Variants in C6orf132 observed in about 807,000 individuals in gnomAD.
C6orf132 encodes chromosome 6 open reading frame 132, also known as uncharacterized protein C6orf132.
Under a neutral mutation model 65.3 loss-of-function variants are expected in C6orf132, and 43 were observed. The ratio of observed to expected loss-of-function variants is 0.66; its 90% CI spans 0.52 to 0.85. The LOEUF is 0.85. Among genes scored for constraint, C6orf132 ranks in the 40% least tolerant of loss-of-function variants. The pLI is 0.00. For synonymous variants in C6orf132, 631 were observed against 654.1 expected, an observed-to-expected ratio of 0.96 and a Z score of 0.54; for missense variants, 1,488 against 1,548.8, an observed-to-expected ratio of 0.96 and a Z score of 0.66.
rs1391649371 is a variant in C6orf132 at position 42,104,522 on chromosome 6, CGCGGCGCCCCGG to C, written c.3378_3389del (p.Arg1127_Ala1130del). ...TGCCGGGCGCTTTGTGCTTGGCCTC[CGCGGCGCCCCGG>C]GCGGCGCCCTCCAGGGACAGCCTCG... is the stretch of plus-strand genomic sequence containing the variant. On this transcript the variant is annotated inframe_deletion, in exon 4 of 5. Coordinates refer to ENST00000341865, the MANE Select transcript of C6orf132 (RefSeq NM_001164446.3). The surrounding 1 kb of genome is among the most constrained non-coding windows in gnomAD (Gnocchi z 4.1). 35 of 1,235,070 alleles carry C rather than the reference CGCGGCGCCCCGG, an allele frequency of 2.8e-5. No homozygotes were observed. Among genetic ancestry groups the C allele is most frequent in the African/African-American group, 1.2e-4 (8 of 64,296 alleles). The allele number at this position is 1,235,070 out of a possible 1,614,324, so 76.5% of individuals were successfully genotyped here.
At chr6:42,132,291 G>T (rs573627662) in intron 1 of C6orf132, among the ~76,000 whole-genome samples, 1 of 151,958 alleles carries the variant, frequency 6.6e-6, no homozygotes, top group Middle Eastern at 3.4e-3. Context: ...CGAGGCGGGC[G>T]GATCACAAGG....
rs546008317 is a variant in C6orf132 at position 42,123,382 on chromosome 6, C to CA, written c.252+5289dup. On this transcript the variant is annotated intron_variant, in intron 2 of 4. Transcript: ENST00000341865. ...TGGGTGACAGAGACAGACTCCATCT[C>CA]AAAAAAAAAAACAAAACAACGAAGA... Among the ~76,000 whole-genome samples, 344 of 101,590 alleles carry CA rather than the reference C, an allele frequency of 3.4e-3. 1 individual carries two copies. The highest frequency in any genetic ancestry group is 6.6e-3 in the African/African-American group (181 of 27,336). The allele number at this position is 101,590 out of a possible 152,430, so 66.6% of individuals were successfully genotyped here.
chr6:42,103,428 C>T lies in C6orf132; in HGVS notation c.*333G>A. 2.5e-6 allele frequency: 1 copy of T among 393,948 alleles called. No individual in the cohort carries two copies. Among genetic ancestry groups the T allele is most frequent in the Non-Finnish European group, 4.5e-6 (1 of 223,778 alleles). The allele number at this position is 393,948 out of a possible 1,614,324, so 24.4% of individuals were successfully genotyped here. On this transcript the variant is annotated 3_prime_UTR_variant, in exon 5 of 5. Transcript: ENST00000341865. ...TGCTCAGTAGGCCGTGCTTGTAAAA[C>T]TGTTTTAAATAACTCTTGCTAAAGC...
rs1323202887 is a variant in C6orf132 at position 42,107,376 on chromosome 6, T to C, written c.536A>G (p.Glu179Gly). The C allele has an allele frequency of 4.5e-6, 2 of 441,158 alleles. No homozygotes were observed. Among genetic ancestry groups the C allele is most frequent in the Non-Finnish European group, 7.5e-6 (2 of 266,746 alleles). 27.3% of individuals were successfully genotyped at this position (441,158 alleles called of 1,614,324 possible). ...GGCCATGCTGGGCGGGGGTGGGGGT[T>C]CCAGCAGCAGGGGAGGTGGTGGGGG... Reference protein sequence around the residue: ...TAPPPPPLLLEPPPPPSMAPP... With the variant: ...TAPPPPPLLLGPPPPPSMAPP... The change falls in exon 4 of 5, where the codon GAA becomes GGA. Residue 179 changes from glutamate (E) to glycine (G), a missense_variant. By Grantham distance (98) the Glu-to-Gly change is moderately conservative (BLOSUM62 -2). Transcript: ENST00000341865.
At chr6:42,121,446 G>C (rs1332807121) in intron 2 of C6orf132, among the ~76,000 whole-genome samples, 2 of 152,194 alleles carry the variant, frequency 1.3e-5, no homozygotes, top group African/African-American at 4.8e-5. Context: ...GCAGTTTTGT[G>C]GGGGCTGGGG....
At chr6:42,116,002 T>G (rs929922162) in intron 2 of C6orf132, among the ~76,000 whole-genome samples, 3 of 147,470 alleles carry the variant, frequency 2.0e-5, no homozygotes, top group African/African-American at 7.6e-5. Flanking sequence ...AGATCTCGGC[T>G]CACTGCAACC....
At position 42,104,683 on chromosome 6, in the gene C6orf132, G is replaced by A. The variant is rs1041995526; in HGVS notation, c.3229C>T (p.Leu1077=). 2 of 1,515,692 alleles carry A rather than the reference G, an allele frequency of 1.3e-6. No homozygotes were observed. Among genetic ancestry groups the A allele is most frequent in the Admixed American group, 2.1e-5 (1 of 47,284 alleles). 93.9% of individuals were successfully genotyped at this position (1,515,692 alleles called of 1,614,324 possible). The change falls in exon 4 of 5, where the codon CTA becomes TTA. Residue 1077 remains leucine (L), a synonymous_variant. Coordinates refer to ENST00000341865, the MANE Select transcript of C6orf132 (RefSeq NM_001164446.3). This position sits in a 1 kb window ranked among gnomAD's most constrained non-coding sequence, Gnocchi z 4.1. ...YVGEPHRGPG[L]PHGGTGRSLS... Reference sequence around the variant, plus strand: ...CTGCGGCCGGTGCCACCGTGGGGTAGCCCTGGGCCTCGGTGCGGCTCCCCG... The same window carrying A: ...CTGCGGCCGGTGCCACCGTGGGGTAACCCTGGGCCTCGGTGCGGCTCCCCG...
intron 1 of C6orf132, among the ~76,000 whole-genome samples, chr6:42,138,100 T>C (rs1766976967): frequency 6.6e-6 from 1 of 152,202 alleles, no homozygotes; most frequent in Non-Finnish European, 1.5e-5. Context: ...AGATTCTGAC[T>C]TCCTGTGCCT....
chr6:42,104,384 C>T lies in C6orf132; in HGVS notation c.3449+79G>A, dbSNP rs1226926181. On this transcript the variant is annotated intron_variant, in intron 4 of 4. Transcript: ENST00000341865. The surrounding 1 kb of genome is among the most constrained non-coding windows in gnomAD (Gnocchi z 4.1). ...GAGAAAACCAAATGTTTTCTCTTGA[C>T]GGATGGCCGGGACTCCTTGGCCCTC... is the stretch of plus-strand genomic sequence containing the variant. 5 of 1,225,888 alleles carry T rather than the reference C, an allele frequency of 4.1e-6. No homozygotes were observed. Among genetic ancestry groups the T allele is most frequent in the Non-Finnish European group, 2.0e-6 (2 of 984,548 alleles). 75.9% of individuals were successfully genotyped at this position (1,225,888 alleles called of 1,614,324 possible).
intron 2 of C6orf132, among the ~76,000 whole-genome samples, chr6:42,117,832 G>C (rs1423050601): frequency 2.6e-5 from 3 of 115,532 alleles, no homozygotes; most frequent in Admixed American, 1.8e-4. Context: ...GCTGAGGCAG[G>C]AGAATCACTT....
intron 3 of C6orf132, among the ~76,000 whole-genome samples, chr6:42,109,414 G>A (rs1400920695): frequency 6.6e-6 from 1 of 151,018 alleles, no homozygotes; most frequent in African/African-American, 2.5e-5. Flanking sequence ...CCTGGCAACA[G>A]AGCGAGACTC....
intron 2 of C6orf132, among the ~76,000 whole-genome samples, chr6:42,121,230 A>C (rs1766678267): frequency 6.6e-6 from 1 of 152,200 alleles, no homozygotes; most frequent in South Asian, 2.1e-4. Flanking sequence ...GACTTGGGCC[A>C]CTGCTCCGGG....
Position 42,107,284 on chromosome 6 carries a change from TG to T in C6orf132, c.627del (p.Thr210ProfsTer15). The stretch of plus-strand genomic sequence containing the variant: ...GCAGGGGGAATGAAGTCAGGAGGGG[TG>T]GGTATGGATGGGGAGGAAAGAGTGT... ...PPHTLSSPSI[P>X]TPPDFIPPAP... On this transcript the variant is annotated frameshift_variant, in exon 4 of 5. Coordinates refer to ENST00000341865, the MANE Select transcript of C6orf132 (RefSeq NM_001164446.3). LOFTEE classifies it high-confidence loss of function. 2 of 380,950 alleles carry T rather than the reference TG, an allele frequency of 5.3e-6. No homozygotes were observed. Among genetic ancestry groups the T allele is most frequent in the Non-Finnish European group, 6.9e-6 (2 of 289,484 alleles). 23.6% of individuals were successfully genotyped at this position (380,950 alleles called of 1,614,324 possible). A position where few individuals can be genotyped will look rare whatever the true frequency, so the allele number is the denominator to read the frequency against.
At position 42,105,097 on chromosome 6, in the gene C6orf132, CTG is replaced by C. The variant is rs1766370593; in HGVS notation, c.2813_2814del (p.Pro938ArgfsTer57). 6.5e-7 allele frequency: 1 copy of C among 1,536,860 alleles called. No individual in the cohort carries two copies. Among genetic ancestry groups the C allele is most frequent in the South Asian group, 1.2e-5 (1 of 84,064 alleles). ...ELSRRHNWTK[P>X]EPQAPVAWER... ...TCCCAGGCCACAGGGGCCTGGGGCT[CTG>C]GCTTTGTCCAGTTGTGCCTGCGGCT... is the stretch of plus-strand genomic sequence containing the variant. On this transcript the variant is annotated frameshift_variant, in exon 4 of 5. Coordinates refer to ENST00000341865, the MANE Select transcript of C6orf132 (RefSeq NM_001164446.3). LOFTEE classifies it high-confidence loss of function.
intron 1 of C6orf132, among the ~76,000 whole-genome samples, chr6:42,138,019 A>G (rs1214786798): frequency 6.6e-6 from 1 of 152,188 alleles, no homozygotes; most frequent in Non-Finnish European, 1.5e-5. Context: ...AGATCGTGCC[A>G]CTGCACTCCA....
At chr6:42,115,766 G>C (rs898533955) in intron 2 of C6orf132, among the ~76,000 whole-genome samples, 19 of 151,898 alleles carry the variant, frequency 1.3e-4, no homozygotes, top group Non-Finnish European at 8.8e-5. Flanking sequence ...AAAGTGTTGG[G>C]GGCAACTTAG....
intron 1 of C6orf132, among the ~76,000 whole-genome samples, chr6:42,137,777 G>C (rs559386918): frequency 1.1e-3 from 161 of 143,322 alleles, no homozygotes; most frequent in African/African-American, 3.9e-3. Context: ...GGTGGCTCAC[G>C]CCTGTAAATC....
intron 1 of C6orf132, among the ~76,000 whole-genome samples, chr6:42,132,856 C>CAAAAA (rs529784118): frequency 4.7e-4 from 43 of 91,826 alleles, no homozygotes; most frequent in South Asian, 9.7e-4. Context: ...GACTCTGTCT[C>CAAAAA]AAAAAAAAAA....
intron 2 of C6orf132, among the ~76,000 whole-genome samples, chr6:42,116,224 A>G (rs1317121279): frequency 8.6e-5 from 13 of 151,792 alleles, no homozygotes; most frequent in East Asian, 1.9e-4. Flanking sequence ...CACTGTGCCC[A>G]GCCTCTTTCA....
Sources: allele counts gnomAD v4.1 joint callset (sites outside exome capture counted in the v4.1 genomes callset), GRCh38; gene constraint gnomAD v4.1.1; non-coding constraint Gnocchi (gnomAD v3.1); transcripts MANE v1.5; gene names NCBI Gene and HGNC (gene_info 2026-07-23, HGNC 2026-07-21).